UTP15: variants seen among roughly 807,000 people sequenced by gnomAD.
The protein encoded by UTP15 is U3 small nucleolar RNA-associated protein 15 homolog.
A neutral mutation model predicts 59.1 loss-of-function variants in UTP15; 5 were observed. The ratio of observed to expected loss-of-function variants is 0.08; its 90% confidence interval spans 0.04 to 0.18. The LOEUF is 0.18. UTP15 is among the 10% of genes least tolerant of loss of function. The pLI is 1.00. For missense variants in UTP15, 494 were observed against 616.7 expected, an observed-to-expected ratio of 0.80 and a Z score of 2.11; for synonymous variants, 211 against 212.2, an observed-to-expected ratio of 0.99 and a Z score of 0.05.
Position 73,580,286 on chromosome 5 carries a change from T to C in UTP15, c.*192T>C, listed in dbSNP as rs1748260884. ...AAGACATGGTTTTCCATGTAATATT[T>C]TGAATTATAGCATCTTCACCTAGAA... is the stretch of plus-strand genomic sequence containing the variant. On this transcript the variant is annotated 3_prime_UTR_variant, in exon 13 of 13. Coordinates refer to ENST00000296792, the MANE Select transcript of UTP15 (RefSeq NM_032175.4). 2.0e-6 allele frequency: 1 copy of C among 497,234 alleles called. No individual in the cohort carries two copies. The highest frequency in any genetic ancestry group is 3.5e-5 in the East Asian group (1 of 28,470). The allele number at this position is 497,234 out of a possible 1,614,324, so 30.8% of individuals were successfully genotyped here.
At chr5:73,571,037 T>C (rs1481146258) in intron 6 of UTP15, among the ~76,000 whole-genome samples, 1 of 152,160 alleles carries the variant, frequency 6.6e-6, no homozygotes. Flanking sequence ...ATCACAGAAC[T>C]CGAGAGCTCT....
chr5:73,576,412 T>C (rs889335580), intron 7 of UTP15, among the ~76,000 whole-genome samples: 1 of 151,648 alleles, frequency 6.6e-6, no homozygotes, highest in Non-Finnish European at 1.5e-5. Context: ...GGCCCTTCTA[T>C]TTTTTTTATA....
rs376635373 is a variant in UTP15, at chr5:73,580,226, T to A, written c.*132T>A. 1.8e-4 allele frequency: 122 copies of A among 682,176 alleles called. 1 individual carries two copies. Among genetic ancestry groups the A allele is most frequent in the Middle Eastern group, 6.4e-4 (2 of 3,106 alleles). 42.3% of individuals were successfully genotyped at this position (682,176 alleles called of 1,614,324 possible). On this transcript the variant is annotated 3_prime_UTR_variant, in exon 13 of 13. Transcript: ENST00000296792. ...AGCAGTTCTGTGGAAGAGACTGGAA[T>A]AATTATGGCCGGAAAACAAGTACCC...
At position 73,573,422 on chromosome 5, in the gene UTP15, A is replaced by G. The variant is rs540497348; in HGVS notation, c.809+798A>G. Among the ~76,000 whole-genome samples the G allele has an allele frequency of 2.0e-5, 3 of 151,116 alleles. No individual in the cohort carries two copies. The South Asian group carries it at 6.3e-4, about 32-fold the overall frequency. On this transcript the variant is annotated intron_variant, in intron 7 of 12. Transcript: ENST00000296792. The stretch of plus-strand genomic sequence containing the variant: ...AGCACCATGCCTGGCTAATTTTTGT[A>G]TTTTTAGTAGAGACGGGGTTTCGCC...
At chr5:73,570,479 T>A in intron 5 of UTP15, 107 bp from the exon 6 acceptor site, 1 of 1,165,584 alleles carries the variant, frequency 8.6e-7, no homozygotes, top group Non-Finnish European at 1.2e-6. Context: ...ATATGTCTTT[T>A]TAAAACTCCA....
chr5:73,572,819 A>T (rs1747973296), intron 7 of UTP15, among the ~76,000 whole-genome samples, 195 bp downstream of exon 7: 2 of 151,736 alleles, frequency 1.3e-5, no homozygotes, highest in African/African-American at 4.8e-5. Flanking sequence ...TTTTTTTGAG[A>T]CAGAGTCTCA....
intron 6 of UTP15, among the ~76,000 whole-genome samples, chr5:73,572,241 T>C (rs1747952385): frequency 6.6e-6 from 1 of 152,258 alleles, no homozygotes; most frequent in Admixed American, 6.5e-5. Context: ...GTTATACATT[T>C]ATTTTGCTGG....
chr5:73,577,656 A>G (rs1748141414), intron 8 of UTP15, among the ~76,000 whole-genome samples, 200 bp from the exon 9 acceptor site: 1 of 152,194 alleles, frequency 6.6e-6, no homozygotes, highest in Non-Finnish European at 1.5e-5. Flanking sequence ...AGTTCTGTCA[A>G]TGTAGTTGTA....
chr5:73,571,710 C>T (rs951782927), intron 6 of UTP15, among the ~76,000 whole-genome samples: 8 of 151,506 alleles, frequency 5.3e-5, no homozygotes, highest in South Asian at 2.1e-4. Flanking sequence ...CTGAGGCAGG[C>T]GGATAGCTTG....
In UTP15 at chr5:73,567,384, A is replaced by T. The variant is rs760990669; in HGVS notation, c.40A>T (p.Ile14Leu). The T allele has an allele frequency of 1.2e-6, 2 of 1,610,336 alleles. No homozygotes were observed. The highest frequency in any genetic ancestry group is 1.7e-6 in the Non-Finnish European group (2 of 1,178,112). ...GCCTGTAGCTATTCAGACATATCCT[A>T]TACTTGGTGAAAAAATCACCCAAGA... ...YKPVAIQTYPILGEKITQDTL... is the reference protein window; with the variant it reads ...YKPVAIQTYPLLGEKITQDTL... The change falls in exon 2 of 13, where the codon ATA becomes TTA. Residue 14 changes from isoleucine to leucine, a missense_variant. By Grantham distance (5) the Ile-to-Leu change is conservative. Transcript: ENST00000296792.
chr5:73,573,526 G>T (rs1748003200), intron 7 of UTP15, among the ~76,000 whole-genome samples: 1 of 151,384 alleles, frequency 6.6e-6, no homozygotes, highest in African/African-American at 2.4e-5. Flanking sequence ...GGGATTACAG[G>T]TGTGAGCCAC....
chr5:73,567,167 TA>T (rs1356883635), intron 1 of UTP15, 94 bp from the exon 2 acceptor site: 7 of 366,544 alleles, frequency 1.9e-5, no homozygotes, highest in Non-Finnish European at 3.4e-5. Flanking sequence ...GTCTCTAATC[TA>T]TATACTTCCA....
At position 73,572,536 on chromosome 5, in the gene UTP15, C is replaced by A; in HGVS notation, c.721C>A (p.Leu241Ile). The A allele has an allele frequency of 1.9e-6, 3 of 1,614,094 alleles. No homozygotes were observed. Reference protein sequence around the residue: ...VWDMLKGGQLLVSLKNHHKTV... With the variant: ...VWDMLKGGQLIVSLKNHHKTV... ...GGACATGTTAAAAGGAGGACAATTG[C>A]TAGTATCTTTGAAAAATCATCACAA... is the stretch of plus-strand genomic sequence containing the variant. The change falls in exon 7 of 13, where the codon CTA becomes ATA. Residue 241 changes from leucine (L) to isoleucine (I), a missense_variant. Coordinates refer to ENST00000296792, the MANE Select transcript of UTP15 (RefSeq NM_032175.4).
chr5:73,567,466 T>C, intron 2 of UTP15, 32 bp downstream of exon 2: 3 of 1,484,180 alleles, frequency 2.0e-6, no homozygotes, highest in East Asian at 2.4e-5. Flanking sequence ...GGAGAAGGGA[T>C]TTGTGTTTAT....
chr5:73,573,965 T>G (rs1748015287), intron 7 of UTP15, among the ~76,000 whole-genome samples: 1 of 152,116 alleles, frequency 6.6e-6, no homozygotes, highest in Non-Finnish European at 1.5e-5. Context: ...GTATGTAATC[T>G]ATGTCAAAAT....
chr5:73,579,050 G>C lies in UTP15; in HGVS notation c.1180G>C (p.Val394Leu). The change falls in exon 11 of 13, where the codon GTG (valine) becomes CTG (leucine). Residue 394 changes from valine to leucine, a missense_variant. Val to Leu is a conservative substitution (Grantham distance 32). Transcript: ENST00000296792. ...TACAATAAAGACACCCGAGATTACGGTGTCCATCATAAAGGAGTTAAATCG... is the reference window on the plus strand; with the variant it reads ...TACAATAAAGACACCCGAGATTACGCTGTCCATCATAAAGGAGTTAAATCG... Reference protein sequence around the residue: ...TCTIKTPEITVSIIKELNRRG... With the variant: ...TCTIKTPEITLSIIKELNRRG... 6.2e-7 allele frequency: 1 copy of C among 1,613,840 alleles called. No individual in the cohort carries two copies. The highest frequency in any genetic ancestry group is 8.5e-7 in the Non-Finnish European group (1 of 1,179,856).
In UTP15 at chr5:73,568,327, A is replaced by G. The variant is rs979265902; in HGVS notation, c.183A>G (p.Arg61=). The G allele has an allele frequency of 4.4e-6, 7 of 1,600,704 alleles. No homozygotes were observed. The highest frequency in any genetic ancestry group is 1.4e-5 in the African/African-American group (1 of 73,910). ...ATTATGCTGTCACAGCTTCCTCAAG[A>G]GTAAGTATAATATTAAATTTCTTTA... The part of the protein sequence containing the change: ...PYNYAVTASS[R]IHIYGRYSQE... Residue 61 remains arginine, a splice_region_variant and synonymous_variant, in exon 3 of 13, where the codon AGA becomes AGG. Coordinates refer to ENST00000296792, the MANE Select transcript of UTP15 (RefSeq NM_032175.4).
At chr5:73,567,842 G>A (rs547882277) in intron 2 of UTP15, among the ~76,000 whole-genome samples, 25 of 152,316 alleles carry the variant, frequency 1.6e-4, no homozygotes, top group Non-Finnish European at 3.1e-4. Context: ...TCCTATGAAA[G>A]CTAATATGTG....
chr5:73,567,746 G>C (rs1747822780), intron 2 of UTP15: 1 of 199,532 alleles, frequency 5.0e-6, no homozygotes, highest in Non-Finnish European at 1.0e-5. Flanking sequence ...TGTAATAGTA[G>C]AAATCTTGAA....
Sources: gnomAD v4.1 joint callset for allele counts (sites outside exome capture counted in the v4.1 genomes callset) on GRCh38, gnomAD v4.1.1 for gene constraint, MANE v1.5 for transcripts, NCBI Gene and HGNC (gene_info 2026-07-23, HGNC 2026-07-21) for gene names.